CES5A: variants seen among roughly 807,000 people sequenced by gnomAD.
CES5A encodes carboxylesterase 5A, also known as carboxylesterase 5.
A neutral mutation model predicts 62.9 loss-of-function variants in CES5A; 67 were observed. The observed-to-expected ratio is 1.07, with a 90% CI of 0.88 to 1.31. CES5A has a LOEUF of 1.31. Ranked by LOEUF, CES5A falls within the 50% of genes most tolerant of loss-of-function variation. The pLI, the probability that CES5A is intolerant of heterozygous loss-of-function variation, is 0.00. For synonymous variants in CES5A, 296 were observed against 280.8 expected, an observed-to-expected ratio of 1.05 and a Z score of -0.54; for missense variants, 748 against 708.5, an observed-to-expected ratio of 1.06 and a Z score of -0.63.
chr16:55,905,582 G>A (rs912438034), intron 1 of CES5A, among the ~76,000 whole-genome samples: 4 of 151,880 alleles, frequency 2.6e-5, no homozygotes, highest in Non-Finnish European at 5.9e-5. Flanking sequence ...GGTCAGGCTC[G>A]AACTCCTGAC....
At chr16:55,921,122 A>C (rs1390955877) in intron 1 of CES5A, among the ~76,000 whole-genome samples, 4 of 152,190 alleles carry the variant, frequency 2.6e-5, no homozygotes, top group Non-Finnish European at 5.9e-5. Flanking sequence ...AAGATGTAAA[A>C]AGTTACCTCA....
intron 1 of CES5A, among the ~76,000 whole-genome samples, chr16:55,914,268 T>C (rs1296283014): frequency 6.6e-6 from 1 of 152,162 alleles, no homozygotes; most frequent in Non-Finnish European, 1.5e-5. Context: ...ATAATCTCTT[T>C]GCATTAAATG....
At chr16:55,946,980 C>T (rs1264959826) in intron 2 of CES5A, among the ~76,000 whole-genome samples, 8 of 152,186 alleles carry the variant, frequency 5.3e-5, no homozygotes, top group Non-Finnish European at 1.2e-4. Flanking sequence ...TTGACCAGAG[C>T]AAAGGGCAAT....
intron 1 of CES5A, among the ~76,000 whole-genome samples, chr16:55,917,084 C>T (rs1026705307): frequency 1.3e-5 from 2 of 152,186 alleles, no homozygotes; most frequent in Non-Finnish European, 2.9e-5. Flanking sequence ...AGGCAGGCAA[C>T]CCCCAAGGCT....
intron 1 of CES5A, among the ~76,000 whole-genome samples, chr16:55,906,642 C>T (rs2034042445): frequency 6.6e-6 from 1 of 152,190 alleles, no homozygotes; most frequent in African/African-American, 2.4e-5. Flanking sequence ...TTATGATGTG[C>T]TGGGTACCAG....
chr16:55,910,207 A>G (rs2142449540), intron 1 of CES5A, among the ~76,000 whole-genome samples: 1 of 151,782 alleles, frequency 6.6e-6, no homozygotes, highest in African/African-American at 2.4e-5. Flanking sequence ...CCTGCAGCCC[A>G]CTCTTCTAAG....
intron 1 of CES5A, among the ~76,000 whole-genome samples, chr16:55,884,308 T>A (rs1251739279): frequency 6.6e-6 from 1 of 152,234 alleles, no homozygotes; most frequent in African/African-American, 2.4e-5. Context: ...AGCACCTCTG[T>A]CGACAGTCTG....
At chr16:55,920,902 G>T (rs1198775343) in intron 1 of CES5A, among the ~76,000 whole-genome samples, 1 of 152,128 alleles carries the variant, frequency 6.6e-6, no homozygotes, top group African/African-American at 2.4e-5. Flanking sequence ...ATTTACCACA[G>T]AAACTTAACA....
chr16:55,848,412 C>T (rs1290460181), intron 11 of CES5A, among the ~76,000 whole-genome samples: 12 of 152,180 alleles, frequency 7.9e-5, no homozygotes, highest in African/African-American at 2.7e-4. Flanking sequence ...AGCCACCATG[C>T]CCGGCCTTAC....
intron 4 of CES5A, among the ~76,000 whole-genome samples, chr16:55,866,681 C>CAAAAAAAAAAAAAAAAAAAAAAAAAA (rs1287845742): frequency 1.0e-5 from 1 of 98,376 alleles, no homozygotes; most frequent in Admixed American, 9.6e-5. Context: ...AAAAAAAATA[C>CAAAAAAAAAAAAAAAAAAAAAAAAAA]AAAAAAATTA....
intron 1 of CES5A, among the ~76,000 whole-genome samples, chr16:55,884,981 C>T (rs1045313934): frequency 6.6e-6 from 1 of 152,144 alleles, no homozygotes; most frequent in Non-Finnish European, 1.5e-5. Flanking sequence ...TGTGTCTGCC[C>T]TCCTACTACT....
rs2033446512 is a variant in CES5A, at chr16:55,865,901, C to T, written c.705+62G>A. 2.2e-5 allele frequency: 35 copies of T among 1,565,002 alleles called. No individual in the cohort carries two copies. The South Asian group carries it at 2.8e-4, about 12-fold the overall frequency. On this transcript the variant is annotated intron_variant, in intron 5 of 12. Transcript: ENST00000290567. ...AGGCAACAATCAAATGTTAGTGACT[C>T]ATCATCATTTTTGGAACCTCCGGCA...
At chr16:55,919,182 C>T (rs1334262217) in intron 1 of CES5A, among the ~76,000 whole-genome samples, 1 of 152,248 alleles carries the variant, frequency 6.6e-6, no homozygotes, top group Non-Finnish European at 1.5e-5. Context: ...GCTGAGTCGC[C>T]CCAGGGCACA....
intron 1 of CES5A, among the ~76,000 whole-genome samples, chr16:55,913,306 G>C (rs2034113947): frequency 6.6e-6 from 1 of 152,140 alleles, no homozygotes; most frequent in African/African-American, 2.4e-5. Flanking sequence ...GGTCTGGGTG[G>C]TGTCAGCTGA....
At chr16:55,892,722 AAC>A (rs1272233837) in intron 1 of CES5A, among the ~76,000 whole-genome samples, 19 of 92,932 alleles carry the variant, frequency 2.0e-4, no homozygotes, top group South Asian at 3.1e-4. Flanking sequence ...CAACAACAAC[AAC>A]AAAAAAAAAT....
At chr16:55,894,511 A>AAAAG (rs1555484115) in intron 1 of CES5A, among the ~76,000 whole-genome samples, 4 of 150,842 alleles carry the variant, frequency 2.7e-5, no homozygotes, top group Admixed American at 6.6e-5. Context: ...AAAAAAAAAA[A>AAAAG]AAAAGAAAAG....
intron 4 of CES5A, among the ~76,000 whole-genome samples, chr16:55,867,233 C>T (rs779224628): frequency 7.2e-5 from 11 of 152,218 alleles, no homozygotes; most frequent in Non-Finnish European, 1.3e-4. Context: ...AGGAAACCAA[C>T]GGATACATCA....
chr16:55,881,558 T>C (rs2033762281), intron 1 of CES5A, among the ~76,000 whole-genome samples: 1 of 152,166 alleles, frequency 6.6e-6, no homozygotes, highest in African/African-American at 2.4e-5. Context: ...AGCAGGGACA[T>C]GATGACAGCC....
chr16:55,889,893 A>G (rs114169710), intron 1 of CES5A, among the ~76,000 whole-genome samples: 3 of 152,284 alleles, frequency 2.0e-5, no homozygotes, highest in African/African-American at 7.2e-5. Flanking sequence ...TAGGAGCTTT[A>G]GGTTAGGAAA....
Sources: gnomAD v4.1 joint callset for allele counts (sites outside exome capture counted in the v4.1 genomes callset) on GRCh38, gnomAD v4.1.1 for gene constraint, MANE v1.5 for transcripts, NCBI Gene and HGNC (gene_info 2026-07-23, HGNC 2026-07-21) for gene names.